KIF13B: variants seen among roughly 807,000 people sequenced by gnomAD.
The protein encoded by KIF13B is kinesin family member 13B, also known as kinesin-like protein KIF13B.
In KIF13B, 127 loss-of-function variants were observed where a neutral mutation model predicts 222.0. The observed-to-expected ratio is 0.57, with a 90% CI of 0.50 to 0.66. The LOEUF is 0.66. Ranked by LOEUF, KIF13B falls within the 30% of genes least tolerant of loss-of-function variation. The pLI is 0.00. For missense variants in KIF13B, 2,173 were observed against 2,379.0 expected (o/e 0.91, Z 1.80); for synonymous variants, 976 against 919.0 (o/e 1.06, Z -1.12).
intron 14 of KIF13B, among the ~76,000 whole-genome samples, chr8:29,155,521 G>A (rs1185545825): frequency 6.6e-6 from 1 of 152,214 alleles, no homozygotes; most frequent in African/African-American, 2.4e-5. Flanking sequence ...CTTGATGAGG[G>A]CCTAAATACG....
At chr8:29,166,951 T>C (rs1051872109) in intron 11 of KIF13B, among the ~76,000 whole-genome samples, 1 of 152,230 alleles carries the variant, frequency 6.6e-6, no homozygotes, top group East Asian at 1.9e-4. Context: ...ATTATGAAGG[T>C]GTAGAAGACT....
chr8:29,125,374 G>C (rs1810062540), intron 26 of KIF13B, among the ~76,000 whole-genome samples: 2 of 152,098 alleles, frequency 1.3e-5, no homozygotes, highest in African/African-American at 4.8e-5. Context: ...GCTTTACTAG[G>C]GCACTTAACC....
chr8:29,263,008 C>G lies in KIF13B; in HGVS notation c.27G>C (p.Ala9=), dbSNP rs989332213. The G allele has an allele frequency of 2.1e-5, 34 of 1,599,592 alleles. No individual in the cohort carries two copies. The highest frequency in any genetic ancestry group is 2.9e-5 in the Non-Finnish European group (34 of 1,174,416). The part of the protein sequence containing the change: MGDSKVKV[A]VRIRPMNRRE... ...GCCGGTTCATGGGTCGTATCCGCAC[C>G]GCCACTTTCACTTTGGAGTCCCCCA... The change falls in exon 1 of 40, where the codon GCG becomes GCC. Residue 9 remains alanine (A), a synonymous_variant. Coordinates refer to ENST00000524189, the MANE Select transcript of KIF13B (RefSeq NM_015254.4).
At chr8:29,138,695 TAAG>T (rs1419807910) in intron 21 of KIF13B, 2 of 152,086 alleles carry the variant, frequency 1.3e-5, no homozygotes, top group Non-Finnish European at 2.9e-5. Context: ...CTTAACATAC[TAAG>T]TAACACCAAT....
At chr8:29,093,773 T>A (rs2133553223) in intron 36 of KIF13B, among the ~76,000 whole-genome samples, 1 of 152,036 alleles carries the variant, frequency 6.6e-6, no homozygotes, top group East Asian at 1.9e-4. Flanking sequence ...AAGTTAAAGA[T>A]GTACATTGTA....
intron 3 of KIF13B, among the ~76,000 whole-genome samples, chr8:29,194,626 A>G (rs764021632): frequency 3.3e-5 from 5 of 152,204 alleles, no homozygotes; most frequent in Non-Finnish European, 5.9e-5. Flanking sequence ...ACAGCTCTAA[A>G]TGGTCCTCTT....
At chr8:29,186,847 T>C (rs976177327) in intron 5 of KIF13B, among the ~76,000 whole-genome samples, 4 of 151,364 alleles carry the variant, frequency 2.6e-5, no homozygotes, top group African/African-American at 9.7e-5. Flanking sequence ...CACGTGCTTG[T>C]AGTCCCAGCT....
chr8:29,122,657 A>G lies in KIF13B; in HGVS notation c.3480-11T>C, dbSNP rs1243177146. 4 of 1,602,790 alleles carry G rather than the reference A, an allele frequency of 2.5e-6. No individual in the cohort carries two copies. The highest frequency in any genetic ancestry group is 3.3e-4 in the Middle Eastern group (2 of 6,056). ...CCAGGTACTGGGGTCCTAAAACGGG[A>G]AGAACAAATGGCATCTGCCTCAGGT... On this transcript the variant is annotated splice_polypyrimidine_tract_variant and intron_variant, in intron 28 of 39. Transcript: ENST00000524189.
chr8:29,122,753 T>C (rs912160323), intron 28 of KIF13B, 107 bp from the exon 29 acceptor site: 7 of 852,866 alleles, frequency 8.2e-6, no homozygotes, highest in Middle Eastern at 2.2e-4. Context: ...GGCAAAGCAG[T>C]AATAACCCTG....
chr8:29,132,400 T>C lies in KIF13B; in HGVS notation c.2850A>G (p.Glu950=). ...EHLSEGALAI[E]VYGHKINDPR... The stretch of plus-strand genomic sequence containing the variant: ...GATCGTTTATTTTATGTCCATATAC[T>C]TCAATTGCCAATGCTCCTTCGGAAA... Residue 950 remains glutamate, a synonymous_variant, in exon 23 of 40, where the codon GAA becomes GAG. Coordinates refer to ENST00000524189, the MANE Select transcript of KIF13B (RefSeq NM_015254.4). 1.3e-6 allele frequency: 2 copies of C among 1,594,964 alleles called. No individual in the cohort carries two copies. The highest frequency in any genetic ancestry group is 1.7e-5 in the Admixed American group (1 of 58,126).
In KIF13B at chr8:29,070,746, C is replaced by T. The variant is rs755997303; in HGVS notation, c.5239G>A (p.Gly1747Ser). Residue 1747 changes from glycine to serine, a missense_variant, in exon 40 of 40, where the codon GGC (glycine) becomes AGC (serine). By Grantham distance (56) the Gly-to-Ser change is moderately conservative. Transcript: ENST00000524189. This position sits in a 1 kb window ranked among gnomAD's most constrained non-coding sequence, Gnocchi z 4.1. ...TTACACCTGAAGTACTGCTTCCCGCCGATGGAACCGTCATTCTTACCTGCG... is the reference window on the plus strand; with the variant it reads ...TTACACCTGAAGTACTGCTTCCCGCTGATGGAACCGTCATTCTTACCTGCG... The part of the protein sequence containing the change: ...LPSGKNDGSI[G>S]GKQYFRCNPG... The T allele has an allele frequency of 6.3e-6, 10 of 1,585,922 alleles. No homozygotes were observed. Among genetic ancestry groups the T allele is most frequent in the Non-Finnish European group, 8.6e-6 (10 of 1,166,830 alleles).
intron 1 of KIF13B, among the ~76,000 whole-genome samples, chr8:29,259,132 C>G (rs1385978220): frequency 1.3e-5 from 2 of 152,178 alleles, no homozygotes; most frequent in Admixed American, 1.3e-4. Flanking sequence ...AACGATCTTC[C>G]TTGTTAAATG....
intron 6 of KIF13B, among the ~76,000 whole-genome samples, chr8:29,185,951 C>A (rs1812906656): frequency 6.6e-6 from 1 of 152,194 alleles, no homozygotes; most frequent in South Asian, 2.1e-4. Context: ...CAAGTCTGTG[C>A]CATGAAATCA....
intron 12 of KIF13B, 30 bp downstream of exon 12, chr8:29,165,632 T>C (rs1811958798): frequency 7.0e-7 from 1 of 1,436,322 alleles, no homozygotes; most frequent in Non-Finnish European, 9.8e-7. Context: ...CCATGAGGTT[T>C]CATGCGCTTC....
At chr8:29,187,359 C>A (rs903313027) in intron 5 of KIF13B, among the ~76,000 whole-genome samples, 3 of 152,190 alleles carry the variant, frequency 2.0e-5, no homozygotes, top group African/African-American at 7.2e-5. Flanking sequence ...GAAACCCCTT[C>A]TCTCCTAAAA....
At chr8:29,167,250 C>T in intron 11 of KIF13B, 123 bp downstream of exon 11, 2 of 668,292 alleles carry the variant, frequency 3.0e-6, no homozygotes, top group Non-Finnish European at 5.3e-6. Flanking sequence ...AGTTCTCTTG[C>T]TGTAAGAAAT....
At chr8:29,238,220 G>A (rs509479) in intron 2 of KIF13B, among the ~76,000 whole-genome samples, 2,877 of 152,292 alleles carry the variant, frequency 0.019, 42 homozygotes, top group Non-Finnish European at 0.03. Context: ...ACCTAATGAT[G>A]CCTTCCACTA....
chr8:29,165,514 A>G (rs1026382156), intron 12 of KIF13B, 148 bp downstream of exon 12: 5 of 568,254 alleles, frequency 8.8e-6, no homozygotes, highest in Admixed American at 3.4e-5. Flanking sequence ...TTTGCAAAGT[A>G]TAGATTCTTT....
chr8:29,232,973 T>G (rs993923390), intron 2 of KIF13B, among the ~76,000 whole-genome samples: 1 of 152,122 alleles, frequency 6.6e-6, no homozygotes, highest in South Asian at 2.1e-4. Context: ...CTGGCCAACC[T>G]GACAAAACCC....
Sources: allele counts gnomAD v4.1 joint callset (sites outside exome capture counted in the v4.1 genomes callset), GRCh38; gene constraint gnomAD v4.1.1; non-coding constraint Gnocchi (gnomAD v3.1); transcripts MANE v1.5; gene names NCBI Gene and HGNC (gene_info 2026-07-23, HGNC 2026-07-21).